BLTP1: variants seen among roughly 807,000 people sequenced by gnomAD.
The protein encoded by BLTP1 is fragile site-associated protein.
the BLTP1 span, chr4:122,248,090 G>C: frequency 1.0e-6 from 1 of 985,008 alleles, no homozygotes; most frequent in Non-Finnish European, 1.2e-6. Flanking sequence ...CTGCATTCTG[G>C]GTCTGTGTAC....
the BLTP1 span, chr4:122,184,740 A>T: frequency 1.0e-6 from 1 of 985,010 alleles, no homozygotes; most frequent in South Asian, 4.7e-5. Flanking sequence ...CAGTCTAGAG[A>T]CTCATTAGCA....
At chr4:122,283,963 T>G in the BLTP1 span, among the ~76,000 whole-genome samples, 1 of 152,196 alleles carries the variant, frequency 6.6e-6, no homozygotes, top group Non-Finnish European at 1.5e-5. Flanking sequence ...TTCTCTGTTG[T>G]TTAGGTCTTC....
chr4:122,349,099 C>A, the BLTP1 span: 1 of 1,367,146 alleles, frequency 7.3e-7, no homozygotes, highest in South Asian at 1.7e-5. The surrounding 1 kb of genome is among the most constrained non-coding windows in gnomAD (Gnocchi z 4.5). Flanking sequence ...AATTTAAATC[C>A]TGTTTTAATT....
At chr4:122,198,369 T>A in the BLTP1 span, 1 of 985,350 alleles carries the variant, frequency 1.0e-6, no homozygotes, top group Non-Finnish European at 1.2e-6. Context: ...GCCAAAAGCA[T>A]CTTTTAGAAA....
the BLTP1 span, chr4:122,239,423 T>G: frequency 8.8e-5 from 95 of 1,084,854 alleles, no homozygotes; most frequent in Non-Finnish European, 1.1e-4. Flanking sequence ...AGTACATGAT[T>G]AAAATTACTA....
At chr4:122,293,935 A>G in the BLTP1 span, among the ~76,000 whole-genome samples, 1 of 152,280 alleles carries the variant, frequency 6.6e-6, no homozygotes, top group South Asian at 2.1e-4. Flanking sequence ...AAGACAGCAC[A>G]GCTGCTATGC....
chr4:122,340,724 A>C, the BLTP1 span: 1 of 985,246 alleles, frequency 1.0e-6, no homozygotes, highest in Non-Finnish European at 1.2e-6. Context: ...ACTTAGCTTC[A>C]AAATATTGCT....
At chr4:122,274,242 TC>T in the BLTP1 span, 12 of 734,362 alleles carry the variant, frequency 1.6e-5, no homozygotes, top group South Asian at 2.3e-4. Context: ...TTTAAAATTA[TC>T]TTTTGCTACT....
the BLTP1 span, among the ~76,000 whole-genome samples, chr4:122,284,430 G>C: frequency 6.6e-6 from 1 of 152,114 alleles, no homozygotes; most frequent in East Asian, 1.9e-4. Flanking sequence ...CTGTGCTTAA[G>C]AGTTTCTATG....
the BLTP1 span, among the ~76,000 whole-genome samples, chr4:122,264,927 T>C: frequency 6.6e-6 from 1 of 152,254 alleles, no homozygotes; most frequent in African/African-American, 2.4e-5. Context: ...CTTAGATGTT[T>C]ATGGCTTTGA....
chr4:122,271,010 G>A, the BLTP1 span: 15 of 1,554,900 alleles, frequency 9.6e-6, no homozygotes, highest in Middle Eastern at 1.7e-4. Context: ...TTTATTTCAC[G>A]TTTTTAGGCA....
the BLTP1 span, among the ~76,000 whole-genome samples, chr4:122,275,517 T>G: frequency 6.6e-6 from 1 of 152,214 alleles, no homozygotes; most frequent in East Asian, 1.9e-4. Flanking sequence ...TAAACTAAAT[T>G]TCTTTAGGTG....
chr4:122,164,814 C>T, the BLTP1 span, among the ~76,000 whole-genome samples: 1 of 151,714 alleles, frequency 6.6e-6, no homozygotes, highest in Admixed American at 6.6e-5. Context: ...AAAACTTTTC[C>T]TAGAAATGTA....
chr4:122,261,489 CTAATCA>C, the BLTP1 span: 1 of 980,540 alleles, frequency 1.0e-6, no homozygotes, highest in Non-Finnish European at 1.2e-6. Context: ...ATCGGCCATT[CTAATCA>C]TAGATGTGAC....
At chr4:122,243,450 T>G in the BLTP1 span, 1 of 985,016 alleles carries the variant, frequency 1.0e-6, no homozygotes, top group Non-Finnish European at 1.2e-6. Flanking sequence ...ACATAAAATG[T>G]CAAGTCCAGG....
chr4:122,160,898 T>G, the BLTP1 span, among the ~76,000 whole-genome samples: 1 of 152,194 alleles, frequency 6.6e-6, no homozygotes, highest in Non-Finnish European at 1.5e-5. Context: ...AGATAATTTG[T>G]TACATATGCG....
the BLTP1 span, chr4:122,289,566 G>T: frequency 2.0e-6 from 2 of 985,116 alleles, no homozygotes; most frequent in Middle Eastern, 5.2e-4. Context: ...CTGGCAGCAT[G>T]GTAAATTGTC....
the BLTP1 span, chr4:122,188,826 G>A: frequency 2.6e-6 from 1 of 384,654 alleles, no homozygotes; most frequent in Non-Finnish European, 3.5e-6. Context: ...TTTTATCTTT[G>A]TGTGTAGGTA....
the BLTP1 span, chr4:122,346,520 CTT>C: frequency 4.1e-5 from 59 of 1,455,470 alleles, no homozygotes; most frequent in African/African-American, 7.0e-5. Context: ...TAATATGTAA[CTT>C]AAGTATAATT....
Sources: allele counts gnomAD v4.1 joint callset (sites outside exome capture counted in the v4.1 genomes callset), GRCh38; gene constraint gnomAD v4.1.1; non-coding constraint Gnocchi (gnomAD v3.1); transcripts MANE v1.5; gene names NCBI Gene and HGNC (gene_info 2026-07-23, HGNC 2026-07-21).